Variants in SPRED2 observed in about 807,000 individuals in gnomAD.
SPRED2 encodes the protein sprouty related EVH1 domain containing 2, also known as sprouty-related, EVH1 domain-containing protein 2.
A neutral mutation model predicts 43.0 loss-of-function variants in SPRED2; 47 were observed. The observed-to-expected ratio is 1.09, with a 90% confidence interval of 0.87 to 1.40. The LOEUF (loss-of-function observed/expected upper bound fraction) is 1.40. SPRED2 is among the 40% of genes most tolerant of loss of function. The pLI, the probability that SPRED2 is intolerant of heterozygous loss-of-function variation, is 0.00. For synonymous variants in SPRED2, 225 were observed against 225.7 expected, an observed-to-expected ratio of 1.00 and a Z score of 0.03; for missense variants, 561 against 586.4, an observed-to-expected ratio of 0.96 and a Z score of 0.45.
At chr2:65,308,096 G>A (rs1259374715), downstream of SPRED2, among the ~76,000 whole-genome samples, 3 of 152,214 alleles carry the variant, frequency 2.0e-5, no homozygotes, top group East Asian at 1.9e-4. Context: ...TTTCTGGGGG[G>A]TGTCCACCAT....
intron 4 of SPRED2, among the ~76,000 whole-genome samples, chr2:65,330,932 T>C (rs1673793528): frequency 6.6e-6 from 1 of 152,232 alleles, no homozygotes; most frequent in African/African-American, 2.4e-5. Context: ...TTCACTGTAC[T>C]ATTCTTTACA....
intron 1 of SPRED2, chr2:65,366,440 G>A: frequency 1.4e-6 from 1 of 733,242 alleles, no homozygotes; most frequent in Non-Finnish European, 2.2e-6. Flanking sequence ...TTGCACGTGG[G>A]CACACACAAA....
At position 65,313,745 on chromosome 2, in the gene SPRED2, C is replaced by T. The variant is rs1304797908; in HGVS notation, c.1013G>A (p.Arg338His). The part of the protein sequence containing the change: ...DAPDSVRTCI[R>H]RVSCMWCADS... ...CGCGCACCACATGCAGCTCACCCGGCGGATGCAAGTTCTCACGGAGTCGGG... is the reference window on the plus strand; with the variant it reads ...CGCGCACCACATGCAGCTCACCCGGTGGATGCAAGTTCTCACGGAGTCGGG... Residue 338 changes from arginine (R) to histidine (H), a missense_variant, in exon 6 of 6, where the codon CGC becomes CAC. Arg to His is a conservative substitution (Grantham distance 29). Transcript: ENST00000356388. The T allele has an allele frequency of 3.1e-6, 5 of 1,614,220 alleles. No individual in the cohort carries two copies. Among genetic ancestry groups the T allele is most frequent in the Admixed American group, 1.7e-5 (1 of 60,028 alleles).
At chr2:65,381,346 A>C (rs1225953826) in intron 1 of SPRED2, among the ~76,000 whole-genome samples, 14 of 152,230 alleles carry the variant, frequency 9.2e-5, no homozygotes, top group Admixed American at 6.5e-4. Flanking sequence ...GCAGTGCAGA[A>C]TGACACCTTA....
chr2:65,353,097 C>T (rs1674556280), intron 1 of SPRED2, among the ~76,000 whole-genome samples: 1 of 152,100 alleles, frequency 6.6e-6, no homozygotes, highest in Non-Finnish European at 1.5e-5. Context: ...TGACCTTCAT[C>T]CAGGAACCAA....
Position 65,344,969 on chromosome 2 carries a change from A to C in SPRED2, c.27-73T>G. On this transcript the variant is annotated intron_variant, in intron 1 of 5. Coordinates refer to ENST00000356388, the MANE Select transcript of SPRED2 (RefSeq NM_181784.3). ...GTTGCAGAACACGTTTCAAAATGCA[A>C]GATGACCACCAGCCAGCACTTTTTT... 1.4e-6 allele frequency: 2 copies of C among 1,440,288 alleles called. 1 individual carries two copies. 89.2% of individuals were successfully genotyped at this position (1,440,288 alleles called of 1,614,324 possible). A position where few individuals can be genotyped will look rare whatever the true frequency, so the allele number is the denominator to read the frequency against.
chr2:65,364,458 C>T (rs1674910165), intron 1 of SPRED2, among the ~76,000 whole-genome samples: 2 of 152,210 alleles, frequency 1.3e-5, no homozygotes, highest in African/African-American at 2.4e-5. Context: ...GGAAAGAAGG[C>T]ATCTAAAAAC....
chr2:65,317,469 A>G (rs1366599124), intron 4 of SPRED2, among the ~76,000 whole-genome samples: 1 of 152,066 alleles, frequency 6.6e-6, no homozygotes, highest in African/African-American at 2.4e-5. Context: ...GCCAAGACTG[A>G]GCCACTGTAC....
chr2:65,334,727 G>A lies in SPRED2; in HGVS notation c.251C>T (p.Ala84Val). The change falls in exon 3 of 6, where the codon GCC becomes GTC. Residue 84 changes from alanine (A) to valine (V), a missense_variant. By Grantham distance (64) the Ala-to-Val change is moderately conservative (BLOSUM62 0). Coordinates refer to ENST00000356388, the MANE Select transcript of SPRED2 (RefSeq NM_181784.3). ...CTTCCAGTGATGAAACGTTGGATTG[G>A]CTTTGGTGTAGACCAAGTCCTTTCT... ...YVRKDLVYTKANPTFHHWKVD... is the reference protein window; with the variant it reads ...YVRKDLVYTKVNPTFHHWKVD... 1 of 1,614,222 alleles carries A rather than the reference G, an allele frequency of 6.2e-7. No homozygotes were observed. The highest frequency in any genetic ancestry group is 1.1e-5 in the South Asian group (1 of 91,082).
intron 3 of SPRED2, among the ~76,000 whole-genome samples, chr2:65,332,741 A>C (rs1212029559): frequency 6.6e-6 from 1 of 152,218 alleles, no homozygotes; most frequent in South Asian, 2.1e-4. Flanking sequence ...ATTGGATTTT[A>C]GAGTTCAATG....
chr2:65,370,696 T>C (rs1331272115), intron 1 of SPRED2, among the ~76,000 whole-genome samples: 1 of 152,228 alleles, frequency 6.6e-6, no homozygotes. Flanking sequence ...ACTTTCCTTA[T>C]AATGCAAAAC....
intron 4 of SPRED2, 134 bp from the exon 5 acceptor site, chr2:65,317,017 G>T: frequency 1.1e-6 from 1 of 947,504 alleles, no homozygotes; most frequent in Non-Finnish European, 1.6e-6. Flanking sequence ...CCAAAATCTT[G>T]AGTTTGTCTT....
In SPRED2 at chr2:65,401,926, AGC is replaced by A. The variant is rs143714447; in HGVS notation, c.26+30034_26+30035del. 2.3e-3 allele frequency among the ~76,000 whole-genome samples: 278 copies of A among 121,948 alleles called. 3 individuals carry two copies. The Middle Eastern group carries it at 0.041, about 18-fold the overall frequency. 80.0% of individuals were successfully genotyped at this position (121,948 alleles called of 152,430 possible). On this transcript the variant is annotated intron_variant, in intron 1 of 5. Coordinates refer to ENST00000356388, the MANE Select transcript of SPRED2 (RefSeq NM_181784.3). ...TAAATTGTAAAACGATCAGAATATT[AGC>A]GCGCGCGCGCACACACACACACACA...
At chr2:65,362,853 C>T (rs1674856725) in intron 1 of SPRED2, among the ~76,000 whole-genome samples, 1 of 102,430 alleles carries the variant, frequency 9.8e-6, no homozygotes, top group Admixed American at 1.1e-4. Flanking sequence ...AGTGAAACTC[C>T]ATTTCAAAAA....
At chr2:65,334,888 C>T (rs1673918416) in intron 2 of SPRED2, 115 bp from the exon 3 acceptor site, 2 of 1,017,710 alleles carry the variant, frequency 2.0e-6, no homozygotes, top group Admixed American at 4.2e-5. Flanking sequence ...CCCTCTAACC[C>T]CTGCCTTCAC....
chr2:65,311,683 C>T lies in SPRED2; in HGVS notation c.*1818G>A. On this transcript the variant is annotated 3_prime_UTR_variant, in exon 6 of 6. Coordinates refer to ENST00000356388, the MANE Select transcript of SPRED2 (RefSeq NM_181784.3). Reference sequence around the variant, plus strand: ...ATCAATCCAGATGGACAGCTCTCTGCTCCTTTTCCAAACTGGAAAGCCTAA... The same window carrying T: ...ATCAATCCAGATGGACAGCTCTCTGTTCCTTTTCCAAACTGGAAAGCCTAA... The T allele has an allele frequency of 1.0e-6, 1 of 985,584 alleles. No individual in the cohort carries two copies. The highest frequency in any genetic ancestry group is 1.2e-6 in the Non-Finnish European group (1 of 829,930). 61.1% of individuals were successfully genotyped at this position (985,584 alleles called of 1,614,324 possible).
chr2:65,321,783 AT>A (rs1673420867), intron 4 of SPRED2, among the ~76,000 whole-genome samples: 3 of 151,982 alleles, frequency 2.0e-5, no homozygotes, highest in Non-Finnish European at 4.4e-5. Flanking sequence ...TTTGCTATAC[AT>A]TTTTTTGAGA....
chr2:65,391,611 AAC>A (rs1226589878), intron 1 of SPRED2, among the ~76,000 whole-genome samples: 83 of 152,354 alleles, frequency 5.4e-4, no homozygotes, highest in African/African-American at 2.0e-3. Flanking sequence ...GGTTCTTATC[AAC>A]AGTTTCACTC....
chr2:65,319,905 G>GGA (rs1306398898), intron 4 of SPRED2, among the ~76,000 whole-genome samples: 1 of 152,152 alleles, frequency 6.6e-6, no homozygotes, highest in Non-Finnish European at 1.5e-5. Flanking sequence ...CAAAGCCCAG[G>GGA]GAGATTTCTA....
Sources: gnomAD v4.1 joint callset for allele counts (sites outside exome capture counted in the v4.1 genomes callset) on GRCh38, gnomAD v4.1.1 for gene constraint, MANE v1.5 for transcripts, NCBI Gene and HGNC (gene_info 2026-07-23, HGNC 2026-07-21) for gene names.